The following EDIL3 variants were observed in gnomAD, a reference collection of about 807,000 sequenced individuals.
EDIL3 encodes the protein EGF-like repeat and discoidin I-like domain-containing protein 3.
A neutral mutation model predicts 67.4 loss-of-function variants in EDIL3; 37 were observed. That is an observed-to-expected ratio of 0.55 (90% confidence interval 0.42 to 0.72). EDIL3 has a LOEUF of 0.72. EDIL3 is among the 30% of genes least tolerant of loss of function. The pLI, the probability that EDIL3 is intolerant of heterozygous loss-of-function variation, is 0.00. For missense variants in EDIL3, 527 were observed against 586.3 expected (o/e 0.90, Z 1.04); for synonymous variants, 195 against 196.3 (o/e 0.99, Z 0.05).
At chr5:84,031,973 G>T (rs1318353450) in intron 9 of EDIL3, among the ~76,000 whole-genome samples, 1 of 152,132 alleles carries the variant, frequency 6.6e-6, no homozygotes. Flanking sequence ...AAGCATACTT[G>T]TTCTCGAGAC....
At chr5:84,029,256 CAAACAAAACA>C (rs372002997) in intron 9 of EDIL3, among the ~76,000 whole-genome samples, 5 of 151,876 alleles carry the variant, frequency 3.3e-5, no homozygotes, top group Admixed American at 6.6e-5. Context: ...CTCCATCTCA[CAAACAAAACA>C]AAACAAAACA....
chr5:84,028,768 G>T (rs1032136840), intron 9 of EDIL3, among the ~76,000 whole-genome samples: 22 of 151,852 alleles, frequency 1.4e-4, no homozygotes, highest in Non-Finnish European at 2.6e-4. Flanking sequence ...TATATACATA[G>T]ATATACTAGT....
intron 9 of EDIL3, among the ~76,000 whole-genome samples, chr5:83,979,864 A>G (rs1744940164): frequency 1.3e-5 from 2 of 152,142 alleles, no homozygotes. Flanking sequence ...CTTACCATTT[A>G]TGATTCTAAT....
At chr5:84,209,894 C>T (rs1744080223) in intron 3 of EDIL3, among the ~76,000 whole-genome samples, 1 of 152,014 alleles carries the variant, frequency 6.6e-6, no homozygotes, top group Non-Finnish European at 1.5e-5. Context: ...TGATGATTTC[C>T]CAGGGGTCAT....
chr5:84,272,110 C>T (rs771150075), intron 1 of EDIL3, among the ~76,000 whole-genome samples: 15 of 152,186 alleles, frequency 9.9e-5, no homozygotes, highest in Admixed American at 2.6e-4. Flanking sequence ...TAGCCTTCAT[C>T]GGCTTTCTTG....
chr5:84,064,835 C>T lies in EDIL3; in HGVS notation c.817G>A (p.Gly273Arg), dbSNP rs1746607514. The T allele has an allele frequency of 6.2e-7, 1 of 1,608,682 alleles. No individual in the cohort carries two copies. Among genetic ancestry groups the T allele is most frequent in the African/African-American group, 1.3e-5 (1 of 74,690 alleles). The change falls in exon 8 of 11, where the codon GGA (glycine) becomes AGA (arginine). Residue 273 changes from glycine to arginine, a missense_variant. By Grantham distance (125) the Gly-to-Arg change is moderately radical. Around this residue, in one of 2 missense-constraint regions of EDIL3, gnomAD observed 494 missense variants for 522.5 expected, o/e 0.95. Transcript: ENST00000296591. ...KGTNEDMVFR[G>R]NIDNNTPYAN... The stretch of plus-strand genomic sequence containing the variant: ...TATGGAGTGTTGTTATCAATGTTTC[C>T]ACGAAACACCTGTGTAAAAACAGTT...
Position 83,977,248 on chromosome 5 carries a change from C to T in EDIL3, c.1138-13888G>A, listed in dbSNP as rs78970323. The stretch of plus-strand genomic sequence containing the variant: ...CTTTAATTTCCTAACTTGGTGATTA[C>T]CATTAGAAGATTTTTTTCAAGTGAA... On this transcript the variant is annotated intron_variant, in intron 9 of 10. Transcript: ENST00000296591. 3.5e-3 allele frequency among the ~76,000 whole-genome samples: 529 copies of T among 151,844 alleles called. 2 individuals carry two copies. Among genetic ancestry groups the T allele is most frequent in the African/African-American group, 0.012 (514 of 41,522 alleles).
At chr5:84,007,907 A>G (rs1002955830) in intron 9 of EDIL3, among the ~76,000 whole-genome samples, 1 of 152,202 alleles carries the variant, frequency 6.6e-6, no homozygotes, top group Non-Finnish European at 1.5e-5. Context: ...AAATGGATAA[A>G]GAAAATGTGG....
intron 9 of EDIL3, among the ~76,000 whole-genome samples, chr5:84,005,974 T>C (rs1745407886): frequency 6.6e-6 from 1 of 151,940 alleles, no homozygotes; most frequent in Non-Finnish European, 1.5e-5. Context: ...TTTAGCAATG[T>C]TTCAGGACAC....
intron 4 of EDIL3, among the ~76,000 whole-genome samples, chr5:84,177,661 G>C (rs973992886): frequency 6.6e-6 from 1 of 152,108 alleles, no homozygotes; most frequent in South Asian, 2.1e-4. Flanking sequence ...GAGAAATTAT[G>C]TAGGAGGAGG....
intron 4 of EDIL3, among the ~76,000 whole-genome samples, chr5:84,143,120 C>T (rs552156297): frequency 1.3e-5 from 2 of 152,054 alleles, no homozygotes; most frequent in Middle Eastern, 3.4e-3. Context: ...GATTGAATTT[C>T]TATTTAAGAT....
At chr5:84,311,691 G>T (rs1449797373) in intron 1 of EDIL3, among the ~76,000 whole-genome samples, 1 of 152,090 alleles carries the variant, frequency 6.6e-6, no homozygotes. Context: ...GTTTTCCTAT[G>T]CAGAGGACCC....
In EDIL3 at chr5:84,342,483, T is replaced by C. The variant is rs183994395; in HGVS notation, c.67+41825A>G. On this transcript the variant is annotated intron_variant, in intron 1 of 10. Transcript: ENST00000296591. ...ATAGGTATAATATACATTATTCCAC[T>C]GATGGATACTCTGAAAGCCGTGACT... Among the ~76,000 whole-genome samples the C allele has an allele frequency of 2.0e-3, 309 of 152,144 alleles. 3 individuals are homozygous for C. Among genetic ancestry groups the C allele is most frequent in the African/African-American group, 7.2e-3 (299 of 41,522 alleles).
intron 4 of EDIL3, among the ~76,000 whole-genome samples, chr5:84,170,194 G>A (rs570002982): frequency 6.6e-6 from 1 of 152,334 alleles, no homozygotes; most frequent in South Asian, 2.1e-4. Flanking sequence ...AGGAGAATAA[G>A]AGAGGTGTGG....
chr5:84,173,525 C>T (rs1021485243), intron 4 of EDIL3, among the ~76,000 whole-genome samples: 12 of 152,070 alleles, frequency 7.9e-5, no homozygotes, highest in African/African-American at 2.2e-4. Flanking sequence ...CAATATGGGA[C>T]GACCCCACTG....
At chr5:84,129,349 TTAAAA>T (rs1747920273) in intron 5 of EDIL3, among the ~76,000 whole-genome samples, 2 of 152,116 alleles carry the variant, frequency 1.3e-5, no homozygotes, top group South Asian at 4.1e-4. Flanking sequence ...AGAAATTAAG[TTAAAA>T]TAATTATATA....
chr5:84,027,579 A>ATTTTATTTTATTTTATTTTATTT (rs1745839140), intron 9 of EDIL3, among the ~76,000 whole-genome samples: 1 of 42,166 alleles, frequency 2.4e-5, no homozygotes, highest in African/African-American at 6.9e-5. Context: ...TTATTTTATT[A>ATTTTATTTTATTTTATTTTATTT]AGTGTAAAAT....
intron 1 of EDIL3, among the ~76,000 whole-genome samples, chr5:84,286,539 T>C (rs1745809982): frequency 6.6e-6 from 1 of 152,152 alleles, no homozygotes; most frequent in African/African-American, 2.4e-5. Context: ...ATTTAGCATA[T>C]ACTCTGCGTT....
rs1748188028 is a variant in EDIL3, at chr5:84,384,638, TCCG to T, written c.-267_-265del. 1 of 263,452 alleles carries T rather than the reference TCCG, an allele frequency of 3.8e-6. No individual in the cohort carries two copies. Among genetic ancestry groups the T allele is most frequent in the Non-Finnish European group, 7.1e-6 (1 of 140,642 alleles). The allele number at this position is 263,452 out of a possible 1,614,324, so 16.3% of individuals were successfully genotyped here. The stretch of plus-strand genomic sequence containing the variant: ...GGGGAGCCGCCGGCGGGCTCAGCCC[TCCG>T]CTGCGGGTGGGTCCCGGCAGAGGCG... On this transcript the variant is annotated 5_prime_UTR_variant, in exon 1 of 11. Coordinates refer to ENST00000296591, the MANE Select transcript of EDIL3 (RefSeq NM_005711.5).
Sources: allele counts gnomAD v4.1 joint callset (sites outside exome capture counted in the v4.1 genomes callset), GRCh38; gene constraint gnomAD v4.1.1; regional missense constraint gnomAD v4.1.1; transcripts MANE v1.5; gene names NCBI Gene and HGNC (gene_info 2026-07-23, HGNC 2026-07-21).